The following HTR4 variants were observed in gnomAD, a reference collection of about 807,000 sequenced individuals.
HTR4 encodes the protein 5-hydroxytryptamine receptor 4.
In HTR4, 16 loss-of-function variants were observed where a neutral mutation model predicts 36.8. That is an observed-to-expected ratio of 0.43 (90% CI 0.29 to 0.66). HTR4 has a LOEUF of 0.66. HTR4 is among the 30% of genes least tolerant of loss of function. The pLI, the probability that HTR4 is intolerant of heterozygous loss-of-function variation, is 0.13. For synonymous variants in HTR4, 189 were observed against 185.1 expected, an observed-to-expected ratio of 1.02 and a Z score of -0.17; for missense variants, 438 against 490.9, an observed-to-expected ratio of 0.89 and a Z score of 1.02.
At chr5:148,584,762 G>A (rs1313942817) in intron 2 of HTR4, among the ~76,000 whole-genome samples, 1 of 152,188 alleles carries the variant, frequency 6.6e-6, no homozygotes, top group Non-Finnish European at 1.5e-5. Flanking sequence ...AGCTGAGTAA[G>A]CATTTGGGGA....
Position 148,547,668 on chromosome 5 carries a change from G to A in HTR4, c.353+1000C>T, listed in dbSNP as rs117132192. Among the ~76,000 whole-genome samples, 368 of 152,116 alleles carry A rather than the reference G, an allele frequency of 2.4e-3. 13 individuals are homozygous for A. In the East Asian group the frequency reaches 0.041, roughly 17 times the overall value. ...AGCACTCTGGGAGGCTGAAGGCTGA[G>A]GATAACTTGAGCACAGTAGCTCGAG... On this transcript the variant is annotated intron_variant, in intron 4 of 6. Transcript: ENST00000377888.
chr5:148,609,345 C>G (rs1752312563), intron 2 of HTR4, among the ~76,000 whole-genome samples: 1 of 152,114 alleles, frequency 6.6e-6, no homozygotes, highest in Admixed American at 6.5e-5. Context: ...AACTCAGTTC[C>G]CACTGTCCTT....
rs369768032 is a variant in HTR4, at chr5:148,507,300, C to G, written c.1076+2156G>C. 1.5e-4 allele frequency among the ~76,000 whole-genome samples: 22 copies of G among 144,740 alleles called. No individual in the cohort carries two copies. In the South Asian group the frequency reaches 4.5e-3, roughly 30 times the overall value. The allele number at this position is 144,740 out of a possible 152,430, so 95.0% of individuals were successfully genotyped here. A position where few individuals can be genotyped will look rare whatever the true frequency, so the allele number is the denominator to read the frequency against. On this transcript the variant is annotated intron_variant, in intron 6 of 6. Transcript: ENST00000377888. ...GAAAAAACCAAACGCCGCATATTCT[C>G]TCTCATAGGTGGGAATTGAACAATA...
intron 4 of HTR4, among the ~76,000 whole-genome samples, chr5:148,531,197 G>A (rs946557780): frequency 2.6e-5 from 4 of 152,256 alleles, no homozygotes; most frequent in East Asian, 1.9e-4. Context: ...ATGTGAGGAC[G>A]TGAGATTTGG....
chr5:148,464,207 C>T (rs1295622141), intron 5 of HTR4, among the ~76,000 whole-genome samples: 3 of 151,774 alleles, frequency 2.0e-5, no homozygotes, highest in African/African-American at 7.3e-5. Flanking sequence ...GATATAACAC[C>T]AAACGTACAA....
intron 2 of HTR4, among the ~76,000 whole-genome samples, chr5:148,555,759 T>C (rs961760235): frequency 2.6e-5 from 4 of 152,208 alleles, no homozygotes; most frequent in African/African-American, 9.6e-5. Context: ...CACAAACTTG[T>C]GGGCTGGTTT....
intron 5 of HTR4, among the ~76,000 whole-genome samples, chr5:148,513,954 C>T (rs866311385): frequency 2.6e-5 from 4 of 152,048 alleles, no homozygotes; most frequent in East Asian, 1.9e-4. Flanking sequence ...TTATTGTAAG[C>T]TGGCTATGTA....
At chr5:148,534,625 C>G (rs1758725015) in intron 4 of HTR4, among the ~76,000 whole-genome samples, 1 of 152,146 alleles carries the variant, frequency 6.6e-6, no homozygotes, top group South Asian at 2.1e-4. Flanking sequence ...AGTGCCTTCT[C>G]TACACCTCCA....
chr5:148,455,329 A>G (rs987599155), intron 5 of HTR4, among the ~76,000 whole-genome samples: 6 of 152,100 alleles, frequency 3.9e-5, no homozygotes, highest in Non-Finnish European at 7.4e-5. Flanking sequence ...CTTCTCCTAC[A>G]CTGAGTTCGC....
chr5:148,457,406 G>A (rs1015351346), intron 5 of HTR4, among the ~76,000 whole-genome samples: 1 of 151,860 alleles, frequency 6.6e-6, no homozygotes, highest in Non-Finnish European at 1.5e-5. Context: ...GTAATTACCT[G>A]AGTCTACAAT....
chr5:148,544,029 G>A lies in HTR4; in HGVS notation c.353+4639C>T, dbSNP rs189700102. ...CAACATTTTCAGTTAAAAGGCTATT[G>A]TGGATGGACTTGCATTTGAGAAGGT... On this transcript the variant is annotated intron_variant, in intron 4 of 6. Coordinates refer to ENST00000377888, the MANE Select transcript of HTR4 (RefSeq NM_000870.7). Among the ~76,000 whole-genome samples the A allele has an allele frequency of 5.9e-4, 90 of 152,280 alleles. 1 individual carries two copies. Among genetic ancestry groups the A allele is most frequent in the Non-Finnish European group, 1.6e-4 (11 of 68,026 alleles).
chr5:148,503,397 T>C (rs1381266471), intron 6 of HTR4, among the ~76,000 whole-genome samples: 2 of 152,118 alleles, frequency 1.3e-5, no homozygotes, highest in South Asian at 4.1e-4. Flanking sequence ...AAACTAAGCT[T>C]CATAAGTGAA....
rs542110446 is a variant in HTR4 at position 148,596,676 on chromosome 5, G to A, written c.26+40313C>T. ...TAGACATTGCCAAATGTCCCCTGGT[G>A]GTGGAGGGAGGGGGGTGGGAGGTGC... On this transcript the variant is annotated intron_variant, in intron 2 of 6. Transcript: ENST00000377888. Among the ~76,000 whole-genome samples, 23 of 151,802 alleles carry A rather than the reference G, an allele frequency of 1.5e-4. 1 individual carries two copies. The South Asian group carries it at 4.6e-3, about 30-fold the overall frequency.
chr5:148,576,685 T>C (rs918104287), intron 2 of HTR4, among the ~76,000 whole-genome samples: 2 of 152,080 alleles, frequency 1.3e-5, no homozygotes, highest in Non-Finnish European at 2.9e-5. Flanking sequence ...GACCATCTGA[T>C]CTTTGACAAA....
chr5:148,519,428 G>C (rs1412197741), intron 5 of HTR4, among the ~76,000 whole-genome samples: 1 of 152,180 alleles, frequency 6.6e-6, no homozygotes, highest in African/African-American at 2.4e-5. Flanking sequence ...AGCTTTAAAA[G>C]CACAGCTGAT....
intron 4 of HTR4, among the ~76,000 whole-genome samples, chr5:148,529,281 G>T (rs1758437694): frequency 6.6e-6 from 1 of 152,114 alleles, no homozygotes; most frequent in South Asian, 2.1e-4. Flanking sequence ...CTCTGATATG[G>T]TTTGGCTGTG....
chr5:148,495,265 T>C (rs1233320108), intron 6 of HTR4, among the ~76,000 whole-genome samples: 1 of 152,256 alleles, frequency 6.6e-6, no homozygotes, highest in African/African-American at 2.4e-5. Context: ...AATTATTTTG[T>C]TATTTTGACA....
rs145064829 is a variant in HTR4, at chr5:148,569,702, A to G, written c.27-19440T>C. ...AAAATTATACATCAATATACATTATATGATATCATAGGAGTTTGAATAAAA... is the reference window on the plus strand; with the variant it reads ...AAAATTATACATCAATATACATTATGTGATATCATAGGAGTTTGAATAAAA... On this transcript the variant is annotated intron_variant, in intron 2 of 6. Coordinates refer to ENST00000377888, the MANE Select transcript of HTR4 (RefSeq NM_000870.7). Among the ~76,000 whole-genome samples, 16 of 152,080 alleles carry G rather than the reference A, an allele frequency of 1.1e-4. No individual in the cohort carries two copies. The East Asian group carries it at 2.7e-3, about 26-fold the overall frequency.
chr5:148,575,672 T>C (rs1179703995), intron 2 of HTR4, among the ~76,000 whole-genome samples: 1 of 152,036 alleles, frequency 6.6e-6, no homozygotes, highest in Non-Finnish European at 1.5e-5. Context: ...TAAATATTCA[T>C]TAATAGAATA....
Sources: gnomAD v4.1 joint callset for allele counts (sites outside exome capture counted in the v4.1 genomes callset) on GRCh38, gnomAD v4.1.1 for gene constraint, MANE v1.5 for transcripts, NCBI Gene and HGNC (gene_info 2026-07-23, HGNC 2026-07-21) for gene names.